The following DACH2 variants were observed in gnomAD, a reference collection of about 807,000 sequenced individuals.
DACH2 encodes the protein dachshund family transcription factor 2.
In DACH2, 17 loss-of-function variants were observed where a neutral mutation model predicts 35.8. That is an observed-to-expected ratio of 0.48 (90% CI 0.33 to 0.71). The LOEUF is 0.71. Among genes scored for constraint, DACH2 ranks in the 30% least tolerant of loss-of-function variants. The probability of loss-of-function intolerance (pLI) is 0.02; values close to 1 mark genes in which losing one functional copy is unlikely to be tolerated. For missense variants in DACH2, 469 were observed against 472.7 expected (o/e 0.99, Z 0.07); for synonymous variants, 195 against 177.3 (o/e 1.10, Z -0.79).
intron 2 of DACH2, among the ~76,000 whole-genome samples, chrX:86,489,319 A>T (rs1045260040): frequency 2.7e-5 from 3 of 110,767 alleles, no homozygotes; most frequent in Non-Finnish European, 5.7e-5. Context: ...AGATGCATTT[A>T]AAAAAATCCC....
chrX:86,179,216 A>G (rs186410105), intron 1 of DACH2, among the ~76,000 whole-genome samples: 1 of 112,335 alleles, frequency 8.9e-6, no homozygotes, highest in Non-Finnish European at 1.9e-5. Context: ...GCCTTGCTTT[A>G]ATAGGGCACA....
intron 3 of DACH2, among the ~76,000 whole-genome samples, chrX:86,630,046 G>A (rs7880063): frequency 0.12 from 13,817 of 110,936 alleles, 750 homozygotes; most frequent in East Asian, 0.32. Context: ...GGCAGATGAA[G>A]TTGAGCTTAT....
chrX:86,495,451 C>A (rs2038156361), intron 2 of DACH2, among the ~76,000 whole-genome samples: 1 of 109,436 alleles, frequency 9.1e-6, no homozygotes, highest in South Asian at 4.0e-4. Flanking sequence ...TGCTCAATAG[C>A]CACATGAGGC....
rs1466830603 is a variant in DACH2, at chrX:86,624,047, C to CAAA, written c.641-26984_641-26982dup. Among the ~76,000 whole-genome samples the CAAA allele has an allele frequency of 4.7e-3, 77 of 16,317 alleles. 5 individuals are homozygous for CAAA. Among genetic ancestry groups the CAAA allele is most frequent in the African/African-American group, 0.021 (74 of 3,486 alleles). The allele number at this position is 16,317 out of a possible 115,157, so 14.2% of individuals were successfully genotyped here. A position where few individuals can be genotyped will look rare whatever the true frequency, so the allele number is the denominator to read the frequency against. On this transcript the variant is annotated intron_variant, in intron 3 of 11. Transcript: ENST00000373125. ...TGGGCGACAGAGCGAAACTCCGTCT[C>CAAA]AAAAAAACAAAACAAAAAAAAAAAA... is the stretch of plus-strand genomic sequence containing the variant.
chrX:86,692,532 C>T (rs780653186), intron 4 of DACH2, among the ~76,000 whole-genome samples: 4 of 112,048 alleles, frequency 3.6e-5, no homozygotes, highest in African/African-American at 9.7e-5. Flanking sequence ...AAATGTGATA[C>T]ACAAACCATG....
chrX:86,602,426 G>T (rs984279592), intron 3 of DACH2, among the ~76,000 whole-genome samples: 3 of 111,957 alleles, frequency 2.7e-5, no homozygotes, highest in African/African-American at 9.7e-5. Flanking sequence ...ATGCCAAACT[G>T]TTTTCCTGAG....
chrX:86,515,724 C>T (rs898674220), intron 3 of DACH2, among the ~76,000 whole-genome samples: 3 of 112,417 alleles, frequency 2.7e-5, no homozygotes, highest in Non-Finnish European at 5.6e-5. Flanking sequence ...TTTATATGTT[C>T]TCCTTCACTT....
intron 4 of DACH2, among the ~76,000 whole-genome samples, chrX:86,653,026 T>C (rs2040495285): frequency 8.9e-6 from 1 of 112,169 alleles, no homozygotes; most frequent in Non-Finnish European, 1.9e-5. Flanking sequence ...TCCAAAATGG[T>C]ATTTCCTAGG....
chrX:86,555,304 G>A (rs5923557), intron 3 of DACH2, among the ~76,000 whole-genome samples: 35,928 of 110,819 alleles, frequency 0.32, 4,654 homozygotes, highest in Middle Eastern at 0.47. Context: ...GTAGAAAGTT[G>A]TCTTTTCACA....
intron 2 of DACH2, among the ~76,000 whole-genome samples, chrX:86,457,874 T>C (rs954965549): frequency 3.6e-5 from 4 of 111,929 alleles, no homozygotes; most frequent in African/African-American, 1.3e-4. Context: ...TAAGGCTTAG[T>C]CTGGCAAGGG....
intron 1 of DACH2, among the ~76,000 whole-genome samples, chrX:86,280,959 T>C (rs1296939234): frequency 4.5e-5 from 5 of 111,349 alleles, no homozygotes; most frequent in Non-Finnish European, 9.4e-5. Flanking sequence ...AGCAAGTTCT[T>C]AGAGACCTAA....
intron 1 of DACH2, among the ~76,000 whole-genome samples, chrX:86,305,999 G>A: frequency 8.9e-6 from 1 of 112,022 alleles, no homozygotes; most frequent in Non-Finnish European, 1.9e-5. Flanking sequence ...CTGTTGGTGG[G>A]AATGTAAATT....
chrX:86,417,483 CT>C (rs2148152549), intron 2 of DACH2, among the ~76,000 whole-genome samples: 1 of 108,102 alleles, frequency 9.3e-6, no homozygotes, highest in East Asian at 2.8e-4. Flanking sequence ...AAGTCACATC[CT>C]ACATGGATGG....
At chrX:86,419,749 A>G (rs1002327149) in intron 2 of DACH2, among the ~76,000 whole-genome samples, 4 of 112,012 alleles carry the variant, frequency 3.6e-5, no homozygotes, top group Middle Eastern at 4.6e-3. Context: ...ATGTGGAATG[A>G]TAACACCACA....
chrX:86,575,790 G>A (rs2039428728), intron 3 of DACH2, among the ~76,000 whole-genome samples: 1 of 111,759 alleles, frequency 8.9e-6, no homozygotes, highest in African/African-American at 3.2e-5. Context: ...AGTACATGTT[G>A]TAGGATTCTG....
chrX:86,475,491 A>G (rs1275946304), intron 2 of DACH2, among the ~76,000 whole-genome samples: 1 of 111,732 alleles, frequency 8.9e-6, no homozygotes, highest in Non-Finnish European at 1.9e-5. Flanking sequence ...CAGATTGTTC[A>G]CTGTTGGCAT....
At chrX:86,256,302 C>A (rs768448383) in intron 1 of DACH2, among the ~76,000 whole-genome samples, 174 of 111,380 alleles carry the variant, frequency 1.6e-3, no homozygotes, top group Non-Finnish European at 2.5e-3. Context: ...TCTCTACATA[C>A]TCTATTTTGA....
At chrX:86,827,736 T>C in intron 11 of DACH2, 6 of 1,158,849 alleles carry the variant, frequency 5.2e-6, no homozygotes, top group Non-Finnish European at 6.9e-6. Flanking sequence ...AATGAAATTT[T>C]GACCAGGTCT....
chrX:86,202,917 T>C (rs2032192348), intron 1 of DACH2, among the ~76,000 whole-genome samples: 1 of 111,551 alleles, frequency 9.0e-6, no homozygotes, highest in Admixed American at 9.6e-5. Flanking sequence ...AGCTATTAAA[T>C]TGTTGTCTAA....
Sources: allele counts gnomAD v4.1 joint callset (sites outside exome capture counted in the v4.1 genomes callset), GRCh38; gene constraint gnomAD v4.1.1; transcripts MANE v1.5; gene names NCBI Gene and HGNC (gene_info 2026-07-23, HGNC 2026-07-21).